The following TMTC2 variants were observed in gnomAD, a reference collection of about 807,000 sequenced individuals.
TMTC2 encodes transmembrane O-mannosyltransferase targeting cadherins 2.
In TMTC2, 43 loss-of-function variants were observed where a neutral mutation model predicts 82.4. The observed-to-expected ratio is 0.52, with a 90% confidence interval of 0.41 to 0.67. TMTC2 has a LOEUF of 0.67. Among genes scored for constraint, TMTC2 ranks in the 30% least tolerant of loss-of-function variants. TMTC2 has a pLI of 0.00. For missense variants in TMTC2, 919 were observed against 1,012.4 expected (o/e 0.91, Z 1.25); for synonymous variants, 408 against 381.9 (o/e 1.07, Z -0.80).
intron 3 of TMTC2, among the ~76,000 whole-genome samples, chr12:82,923,602 T>G (rs1247740252): frequency 6.6e-6 from 1 of 152,200 alleles, no homozygotes; most frequent in African/African-American, 2.4e-5. Context: ...TCTGTTAGCT[T>G]TACTTTTTCA....
intron 1 of TMTC2, among the ~76,000 whole-genome samples, chr12:82,690,975 A>T (rs1336657900): frequency 6.6e-6 from 1 of 152,106 alleles, no homozygotes; most frequent in Non-Finnish European, 1.5e-5. Context: ...TTTCTTATGG[A>T]GATAACACCA....
intron 11 of TMTC2, among the ~76,000 whole-genome samples, chr12:83,081,465 C>T (rs1038862455): frequency 2.0e-5 from 3 of 152,038 alleles, no homozygotes; most frequent in Non-Finnish European, 4.4e-5. Flanking sequence ...CTTGCCTGGC[C>T]GTTTGTTTGG....
At chr12:82,746,354 A>G (rs1875690267) in intron 1 of TMTC2, among the ~76,000 whole-genome samples, 1 of 152,178 alleles carries the variant, frequency 6.6e-6, no homozygotes, top group Admixed American at 6.5e-5. Flanking sequence ...CCAGGGCTCA[A>G]TTAATAGTAG....
intron 11 of TMTC2, among the ~76,000 whole-genome samples, chr12:83,086,112 A>G (rs1054479311): frequency 7.2e-5 from 11 of 151,818 alleles, no homozygotes; most frequent in Non-Finnish European, 1.3e-4. Flanking sequence ...GAAAATGCCA[A>G]CTTGGGGAGG....
chr12:83,060,364 C>T (rs530540984), intron 10 of TMTC2, among the ~76,000 whole-genome samples: 5 of 151,794 alleles, frequency 3.3e-5, no homozygotes, highest in African/African-American at 9.6e-5. Context: ...TTGTATTTGG[C>T]TTGACCAAAG....
intron 11 of TMTC2, among the ~76,000 whole-genome samples, chr12:83,110,452 A>C (rs1396176155): frequency 6.6e-6 from 1 of 151,712 alleles, no homozygotes; most frequent in Non-Finnish European, 1.5e-5. Flanking sequence ...TTCTCTATAG[A>C]TTTCTCTCCT....
chr12:83,121,558 CA>C (rs1271894927), intron 11 of TMTC2, among the ~76,000 whole-genome samples: 1 of 151,980 alleles, frequency 6.6e-6, no homozygotes, highest in African/African-American at 2.4e-5. Context: ...GTGGAGGTGG[CA>C]GGGGGGTGAA....
chr12:83,024,768 T>C (rs2137411541), intron 8 of TMTC2, among the ~76,000 whole-genome samples: 1 of 152,370 alleles, frequency 6.6e-6, no homozygotes, highest in South Asian at 2.1e-4. Context: ...TTTATCATTT[T>C]AGAAACCTTA....
chr12:82,688,641 C>T (rs1179792054), intron 1 of TMTC2, among the ~76,000 whole-genome samples: 2 of 152,162 alleles, frequency 1.3e-5, no homozygotes, highest in African/African-American at 4.8e-5. Flanking sequence ...GATAACAGCA[C>T]GCCTGGCTAA....
chr12:82,780,485 G>T (rs965834276), intron 1 of TMTC2, among the ~76,000 whole-genome samples: 17 of 151,588 alleles, frequency 1.1e-4, no homozygotes, highest in South Asian at 2.1e-4. Flanking sequence ...TTAAACACAT[G>T]ATATAAAATG....
intron 11 of TMTC2, among the ~76,000 whole-genome samples, chr12:83,123,458 A>G (rs555666531): frequency 5.3e-5 from 8 of 152,342 alleles, no homozygotes; most frequent in African/African-American, 1.7e-4. Context: ...TTTATTCAAA[A>G]TATGACTGTA....
chr12:82,729,653 C>T (rs575417086), intron 1 of TMTC2, among the ~76,000 whole-genome samples: 65 of 152,312 alleles, frequency 4.3e-4, no homozygotes, highest in Non-Finnish European at 8.5e-4. Flanking sequence ...CTCTGTAAAA[C>T]AGACCAATTG....
At chr12:83,105,258 T>G (rs1243438894) in intron 11 of TMTC2, among the ~76,000 whole-genome samples, 1 of 152,196 alleles carries the variant, frequency 6.6e-6, no homozygotes, top group Non-Finnish European at 1.5e-5. Context: ...TCTTCCAACC[T>G]CTGCCCATTA....
At chr12:83,092,131 G>A (rs1883866729) in intron 11 of TMTC2, among the ~76,000 whole-genome samples, 1 of 152,186 alleles carries the variant, frequency 6.6e-6, no homozygotes. Flanking sequence ...TTCTCACTGG[G>A]TATCCCTAAC....
chr12:82,769,390 C>T (rs933419005), intron 1 of TMTC2, among the ~76,000 whole-genome samples: 25 of 151,804 alleles, frequency 1.6e-4, no homozygotes, highest in Admixed American at 3.3e-4. Flanking sequence ...GCAGGAGAAT[C>T]GTTTGAGCCT....
intron 11 of TMTC2, among the ~76,000 whole-genome samples, chr12:83,112,841 T>A (rs1000184523): frequency 6.6e-6 from 1 of 152,176 alleles, no homozygotes; most frequent in Non-Finnish European, 1.5e-5. Flanking sequence ...TCATTGCCAA[T>A]ACAAAAGTAT....
chr12:82,839,952 A>T (rs539738901), intron 1 of TMTC2, among the ~76,000 whole-genome samples: 13 of 152,310 alleles, frequency 8.5e-5, no homozygotes, highest in African/African-American at 3.1e-4. Context: ...GATTAATGCA[A>T]GCAAAATTTC....
intron 11 of TMTC2, among the ~76,000 whole-genome samples, chr12:83,074,160 G>T (rs1006933596): frequency 1.3e-5 from 2 of 152,086 alleles, no homozygotes; most frequent in Admixed American, 6.5e-5. Flanking sequence ...TTTGTACCAC[G>T]TGGTGTTCGC....
intron 4 of TMTC2, among the ~76,000 whole-genome samples, chr12:82,939,729 A>G (rs1199298843): frequency 6.6e-6 from 1 of 152,024 alleles, no homozygotes; most frequent in Non-Finnish European, 1.5e-5. Flanking sequence ...TTCTGTTGGT[A>G]ACCCCTGTCA....
Sources: allele counts gnomAD v4.1 joint callset (sites outside exome capture counted in the v4.1 genomes callset), GRCh38; gene constraint gnomAD v4.1.1; transcripts MANE v1.5; gene names NCBI Gene and HGNC (gene_info 2026-07-23, HGNC 2026-07-21).